The following NRXN1 variants were observed in gnomAD, a reference collection of about 807,000 sequenced individuals.
NRXN1 encodes the protein neurexin 1, also known as neurexin-1.
NRXN1 carries 39 observed loss-of-function variants against 150.9 expected under a neutral mutation model. That is an observed-to-expected ratio of 0.26 (90% CI 0.20 to 0.34). The LOEUF is 0.34. Among genes scored for constraint, NRXN1 ranks in the 10% least tolerant of loss-of-function variants. The pLI is 1.00. For missense variants in NRXN1, 1,815 were observed against 1,949.9 expected, an observed-to-expected ratio of 0.93 and a Z score of 1.30; for synonymous variants, 924 against 757.0, an observed-to-expected ratio of 1.22 and a Z score of -3.62.
intron 5 of NRXN1, among the ~76,000 whole-genome samples, chr2:50,730,594 T>C (rs1195490277): frequency 1.3e-5 from 2 of 152,096 alleles, no homozygotes; most frequent in African/African-American, 4.8e-5. Flanking sequence ...TATTGTGATG[T>C]AATGTATTGG....
intron 18 of NRXN1, among the ~76,000 whole-genome samples, chr2:50,158,754 C>T (rs886757273): frequency 6.6e-6 from 1 of 152,082 alleles, no homozygotes; most frequent in Non-Finnish European, 1.5e-5. Context: ...CTGGTGAAGA[C>T]ATTGGTCTCC....
chr2:50,666,261 C>A (rs1688002193), intron 5 of NRXN1, among the ~76,000 whole-genome samples: 1 of 151,886 alleles, frequency 6.6e-6, no homozygotes, highest in African/African-American at 2.4e-5. Flanking sequence ...AGTAGTATTT[C>A]TTGCATGTAT....
chr2:50,559,832 A>T (rs1296178587), intron 8 of NRXN1, among the ~76,000 whole-genome samples: 5 of 152,188 alleles, frequency 3.3e-5, no homozygotes, highest in Non-Finnish European at 7.3e-5. Flanking sequence ...AAAAAATTAG[A>T]AATTTGAAAA....
At chr2:50,397,164 T>G (rs746543093) in intron 17 of NRXN1, among the ~76,000 whole-genome samples, 24 of 152,168 alleles carry the variant, frequency 1.6e-4, no homozygotes, top group Non-Finnish European at 2.8e-4. Context: ...TCTGGCCCTG[T>G]GAAGAAACTA....
intron 15 of NRXN1, among the ~76,000 whole-genome samples, chr2:50,473,171 T>C (rs1412556518): frequency 6.6e-6 from 1 of 151,924 alleles, no homozygotes; most frequent in African/African-American, 2.4e-5. Flanking sequence ...ATTGCATCCT[T>C]CTTGAGGTAT....
intron 2 of NRXN1, among the ~76,000 whole-genome samples, chr2:50,954,112 C>T (rs1691875551): frequency 6.6e-6 from 1 of 152,282 alleles, no homozygotes; most frequent in Middle Eastern, 3.4e-3. Context: ...AAGTTAATCA[C>T]TACTTCCTCT....
chr2:50,231,637 TTCAAAACACAC>T (rs1310281787), intron 18 of NRXN1, among the ~76,000 whole-genome samples: 3 of 152,062 alleles, frequency 2.0e-5, no homozygotes, highest in African/African-American at 7.2e-5. Context: ...ATGAAAGGAT[TTCAAAACACAC>T]TCTTCACTCA....
At chr2:50,740,582 T>C (rs985410072) in intron 5 of NRXN1, among the ~76,000 whole-genome samples, 1 of 152,204 alleles carries the variant, frequency 6.6e-6, no homozygotes, top group African/African-American at 2.4e-5. Flanking sequence ...ATCACATTTC[T>C]GTATGTGTGT....
Position 50,634,237 on chromosome 2 carries a change from GA to G in NRXN1, c.833-10623del, listed in dbSNP as rs548504196. ...AAAATATAACTCTGTCTATTGTGTG[GA>G]AAATAAACTCTGCGTAGGCATGGAA... On this transcript the variant is annotated intron_variant, in intron 5 of 22. Coordinates refer to ENST00000401669, the MANE Select transcript of NRXN1 (RefSeq NM_001330078.2). 1.1e-4 allele frequency among the ~76,000 whole-genome samples: 17 copies of G among 152,294 alleles called. No homozygotes were observed. In the South Asian group the frequency reaches 3.1e-3, roughly 28 times the overall value.
rs145576196 is a variant in NRXN1, at chr2:50,426,427, T to C, written c.3364+39015A>G. Among the ~76,000 whole-genome samples, 1,092 of 152,340 alleles carry C rather than the reference T, an allele frequency of 7.2e-3. 4 individuals are homozygous for C. The highest frequency in any genetic ancestry group is 0.011 in the Non-Finnish European group (758 of 68,022). On this transcript the variant is annotated intron_variant, in intron 17 of 22. Coordinates refer to ENST00000401669, the MANE Select transcript of NRXN1 (RefSeq NM_001330078.2). ...TTCATTTAGTTGAGAAACATTCTCC[T>C]AAATTTGATGTATTTTATAAATGAA...
chr2:50,858,419 GA>G (rs894511073), intron 5 of NRXN1, among the ~76,000 whole-genome samples: 3 of 150,622 alleles, frequency 2.0e-5, no homozygotes, highest in East Asian at 1.9e-4. Context: ...GCTTTTGTTG[GA>G]AAAAAAAATC....
intron 8 of NRXN1, among the ~76,000 whole-genome samples, chr2:50,617,665 C>A (rs2104203471): frequency 6.6e-6 from 1 of 152,274 alleles, no homozygotes; most frequent in African/African-American, 2.4e-5. Context: ...ATAGTGACAA[C>A]AGCACAAGTG....
At chr2:50,447,452 C>A (rs1167611355) in intron 17 of NRXN1, among the ~76,000 whole-genome samples, 1 of 120,420 alleles carries the variant, frequency 8.3e-6, no homozygotes, top group Non-Finnish European at 1.6e-5. Context: ...TGCTCTCCAG[C>A]CTGGGTGACA....
intron 12 of NRXN1, among the ~76,000 whole-genome samples, chr2:50,525,986 G>T (rs746743891): frequency 6.6e-6 from 1 of 152,138 alleles, no homozygotes. Context: ...ATTCATTCAG[G>T]TTTGAATACA....
intron 21 of NRXN1, among the ~76,000 whole-genome samples, chr2:49,988,408 G>C (rs554409089): frequency 2.0e-5 from 3 of 151,820 alleles, no homozygotes; most frequent in Admixed American, 6.6e-5. Context: ...CAAAAAGAGG[G>C]GTCACAGATC....
chr2:50,349,489 C>A (rs985625442), intron 17 of NRXN1, among the ~76,000 whole-genome samples: 1 of 152,130 alleles, frequency 6.6e-6, no homozygotes, highest in South Asian at 2.1e-4. Flanking sequence ...GGTCCATATT[C>A]TGAATTTGAC....
chr2:50,013,511 C>T (rs550505626), intron 21 of NRXN1, among the ~76,000 whole-genome samples: 3 of 152,072 alleles, frequency 2.0e-5, no homozygotes, highest in Non-Finnish European at 2.9e-5. Flanking sequence ...TAGCACCACA[C>T]GCTAATTGAT....
chr2:50,717,237 T>A (rs1695982971), intron 5 of NRXN1, among the ~76,000 whole-genome samples: 1 of 152,218 alleles, frequency 6.6e-6, no homozygotes, highest in Non-Finnish European at 1.5e-5. Flanking sequence ...CATTTATTCC[T>A]CTACTTTAAA....
At chr2:50,963,882 C>G (rs1693607343) in intron 2 of NRXN1, 1 of 331,604 alleles carries the variant, frequency 3.0e-6, no homozygotes, top group Non-Finnish European at 6.1e-6. Context: ...TGAAAATAGC[C>G]AACTCAATAA....
Sources: allele counts gnomAD v4.1 joint callset (sites outside exome capture counted in the v4.1 genomes callset), GRCh38; gene constraint gnomAD v4.1.1; transcripts MANE v1.5; gene names NCBI Gene and HGNC (gene_info 2026-07-23, HGNC 2026-07-21).